The following SCFD2 variants were observed in gnomAD, a reference collection of about 807,000 sequenced individuals.
The protein encoded by SCFD2 is sec1 family domain-containing protein 2.
A neutral mutation model predicts 58.9 loss-of-function variants in SCFD2; 54 were observed. The observed-to-expected ratio is 0.92, with a 90% CI of 0.74 to 1.15. The LOEUF is 1.15. SCFD2 is among the 50% of genes most tolerant of loss of function. The pLI is 0.00. For synonymous variants in SCFD2, 321 were observed against 335.9 expected, an observed-to-expected ratio of 0.96 and a Z score of 0.49; for missense variants, 805 against 836.6, an observed-to-expected ratio of 0.96 and a Z score of 0.47.
intron 4 of SCFD2, among the ~76,000 whole-genome samples, chr4:53,221,876 G>A (rs890874558): frequency 6.6e-6 from 1 of 152,162 alleles, no homozygotes; most frequent in African/African-American, 2.4e-5. Flanking sequence ...CAAGCACCAT[G>A]GGAGGCTACA....
At chr4:53,246,811 C>T (rs1419469398) in intron 4 of SCFD2, among the ~76,000 whole-genome samples, 1 of 151,846 alleles carries the variant, frequency 6.6e-6, no homozygotes, top group African/African-American at 2.4e-5. Flanking sequence ...GATGAAGTTG[C>T]CAAAAGCAAG....
chr4:52,933,313 A>T (rs1273413507), intron 5 of SCFD2, among the ~76,000 whole-genome samples: 2 of 152,088 alleles, frequency 1.3e-5, no homozygotes, highest in East Asian at 3.9e-4. Flanking sequence ...CCCAGTCCAG[A>T]CTTAGGCCCC....
At chr4:52,990,019 C>A (rs1721583675) in intron 5 of SCFD2, among the ~76,000 whole-genome samples, 1 of 152,214 alleles carries the variant, frequency 6.6e-6, no homozygotes, top group Admixed American at 6.5e-5. Context: ...AGGCTCGAGG[C>A]AATCTATCAT....
At chr4:52,992,821 G>A (rs1721650104) in intron 5 of SCFD2, among the ~76,000 whole-genome samples, 1 of 150,440 alleles carries the variant, frequency 6.6e-6, no homozygotes. Flanking sequence ...GGAGGTGGGG[G>A]ATGCCTCTGC....
chr4:53,196,776 TC>T (rs112475656), intron 4 of SCFD2, among the ~76,000 whole-genome samples: 5 of 143,382 alleles, frequency 3.5e-5, no homozygotes, highest in African/African-American at 1.0e-4. Flanking sequence ...CAACTTTTCA[TC>T]AAAAAAAAAA....
At chr4:53,125,196 G>T (rs1577750277) in intron 5 of SCFD2, among the ~76,000 whole-genome samples, 1 of 152,164 alleles carries the variant, frequency 6.6e-6, no homozygotes, top group Non-Finnish European at 1.5e-5. Flanking sequence ...AGTTTTATAG[G>T]TAAGAATGGG....
intron 2 of SCFD2, among the ~76,000 whole-genome samples, chr4:53,341,323 T>A (rs539308140): frequency 2.6e-5 from 4 of 152,268 alleles, no homozygotes; most frequent in Non-Finnish European, 5.9e-5. Context: ...CAAGCTTCAG[T>A]AGCCAATTCG....
At chr4:52,920,945 A>C in intron 5 of SCFD2, 75 bp from the exon 6 acceptor site, 1 of 850,836 alleles carries the variant, frequency 1.2e-6, no homozygotes, top group Non-Finnish European at 1.7e-6. Flanking sequence ...AGCTCGATGT[A>C]ATGTAGTTGG....
chr4:53,340,291 A>G (rs1296914873), intron 2 of SCFD2, among the ~76,000 whole-genome samples: 5 of 152,236 alleles, frequency 3.3e-5, no homozygotes, highest in African/African-American at 1.2e-4. Flanking sequence ...CGGTTCTAGC[A>G]AACGGCACAC....
intron 5 of SCFD2, among the ~76,000 whole-genome samples, chr4:53,050,001 G>A (rs953163233): frequency 3.3e-5 from 5 of 152,016 alleles, no homozygotes; most frequent in Admixed American, 6.6e-5. Flanking sequence ...GGCTATAGAT[G>A]TTAAACAGGA....
chr4:53,053,914 T>C (rs553945749), intron 5 of SCFD2, among the ~76,000 whole-genome samples: 5 of 152,340 alleles, frequency 3.3e-5, no homozygotes, highest in Admixed American at 2.6e-4. Flanking sequence ...ATTTACCACC[T>C]TAAATATTTG....
At chr4:53,320,808 C>A (rs1036528630) in intron 2 of SCFD2, among the ~76,000 whole-genome samples, 9 of 152,140 alleles carry the variant, frequency 5.9e-5, no homozygotes, top group Middle Eastern at 3.4e-3. Flanking sequence ...TTAACAACAA[C>A]AAAAAAATTA....
chr4:53,025,820 C>G (rs1219204016), intron 5 of SCFD2, among the ~76,000 whole-genome samples: 6 of 152,150 alleles, frequency 3.9e-5, no homozygotes, highest in Non-Finnish European at 5.9e-5. Flanking sequence ...ATCTTATGGA[C>G]TGGATTTTTA....
At chr4:53,334,543 T>C (rs369058646) in intron 2 of SCFD2, among the ~76,000 whole-genome samples, 17,364 of 146,734 alleles carry the variant, frequency 0.12, 1,076 homozygotes, top group East Asian at 0.21. Flanking sequence ...TAGGTGGGAA[T>C]TGAACAATGA....
intron 5 of SCFD2, among the ~76,000 whole-genome samples, chr4:52,940,857 C>T (rs1720274410): frequency 6.6e-6 from 1 of 152,134 alleles, no homozygotes; most frequent in South Asian, 2.1e-4. Context: ...TAGGAATGAG[C>T]ATGTTCTTTA....
At chr4:53,033,133 G>A (rs1248374159) in intron 5 of SCFD2, among the ~76,000 whole-genome samples, 2 of 152,162 alleles carry the variant, frequency 1.3e-5, no homozygotes, top group Non-Finnish European at 2.9e-5. Flanking sequence ...AGACCACAGT[G>A]CAATCAAATT....
chr4:53,231,779 G>C (rs959238704), intron 4 of SCFD2, among the ~76,000 whole-genome samples: 3 of 151,494 alleles, frequency 2.0e-5, no homozygotes, highest in Non-Finnish European at 2.9e-5. Context: ...TCTCACTAAG[G>C]CTATAATCCC....
At chr4:53,082,176 A>G (rs1257048262) in intron 5 of SCFD2, among the ~76,000 whole-genome samples, 1 of 152,200 alleles carries the variant, frequency 6.6e-6, no homozygotes, top group Admixed American at 6.6e-5. Context: ...GGTTTTGTGT[A>G]TAAAAACAGA....
chr4:53,053,271 G>A (rs1216506082), intron 5 of SCFD2, among the ~76,000 whole-genome samples: 1 of 151,568 alleles, frequency 6.6e-6, no homozygotes, highest in Admixed American at 6.6e-5. Flanking sequence ...ATAGAGGTCA[G>A]AATGCTGGTT....
Sources: allele counts gnomAD v4.1 joint callset (sites outside exome capture counted in the v4.1 genomes callset), GRCh38; gene constraint gnomAD v4.1.1; transcripts MANE v1.5; gene names NCBI Gene and HGNC (gene_info 2026-07-23, HGNC 2026-07-21).